Variants in LIPI observed in about 807,000 individuals in gnomAD.
LIPI encodes the protein lipase member I.
LIPI carries 59 observed loss-of-function variants against 50.6 expected under a neutral mutation model. The ratio of observed to expected loss-of-function variants is 1.16; its 90% confidence interval spans 0.94 to 1.45. LIPI has a LOEUF of 1.45. Among genes scored for constraint, LIPI ranks in the 40% most tolerant of loss-of-function variants. The pLI is 0.00. For synonymous variants in LIPI, 203 were observed against 178.2 expected (o/e 1.14, Z -1.11); for missense variants, 586 against 536.3 (o/e 1.09, Z -0.92).
rs372748702 is a variant in LIPI at position 14,144,745 on chromosome 21, A to G, written c.1173T>C (p.Tyr391=). 14 of 1,584,338 alleles carry G rather than the reference A, an allele frequency of 8.8e-6. No homozygotes were observed. In the East Asian group the frequency reaches 9.0e-5, roughly 10 times the overall value. Residue 391 remains tyrosine (Y), a synonymous_variant, in exon 9 of 10, where the codon TAT becomes TAC. Coordinates refer to ENST00000681601, the MANE Select transcript of LIPI (RefSeq NM_001302998.2). ...LQEVKILAQF[Y]NDFVNISSIG... ...TGCTTGAAATATTTACAAAGTCATT[A>G]TAAAATTGAGCAAGAATCTTGACTT... is the stretch of plus-strand genomic sequence containing the variant.
chr21:14,155,607 C>A (rs537820704), intron 7 of LIPI, among the ~76,000 whole-genome samples: 19 of 152,038 alleles, frequency 1.2e-4, no homozygotes, highest in Non-Finnish European at 4.4e-5. Flanking sequence ...CAGGAGAACA[C>A]CAGTTTGAAT....
At chr21:14,118,321 C>T (rs1368112126) in intron 9 of LIPI, among the ~76,000 whole-genome samples, 2 of 152,098 alleles carry the variant, frequency 1.3e-5, no homozygotes, top group African/African-American at 4.8e-5. Flanking sequence ...GCTGAACACT[C>T]GGTTGTGACT....
intron 9 of LIPI, among the ~76,000 whole-genome samples, chr21:14,122,523 C>A (rs2016902884): frequency 6.6e-6 from 1 of 152,134 alleles, no homozygotes; most frequent in Non-Finnish European, 1.5e-5. Flanking sequence ...ACCTCAGCAA[C>A]CTAATCCAGG....
intron 9 of LIPI, among the ~76,000 whole-genome samples, chr21:14,137,376 T>G (rs555134564): frequency 6.6e-6 from 1 of 152,016 alleles, no homozygotes; most frequent in East Asian, 1.9e-4. Flanking sequence ...TCAGATAAAT[T>G]TAACAAAGAG....
At chr21:14,184,084 CA>C (rs1352882942) in intron 3 of LIPI, among the ~76,000 whole-genome samples, 6 of 152,100 alleles carry the variant, frequency 3.9e-5, no homozygotes, top group Non-Finnish European at 7.3e-5. Flanking sequence ...CCTAAATGTC[CA>C]ACAACGATAG....
intron 3 of LIPI, among the ~76,000 whole-genome samples, chr21:14,183,093 A>T (rs1416646229): frequency 6.6e-6 from 1 of 152,316 alleles, no homozygotes; most frequent in African/African-American, 2.4e-5. Flanking sequence ...GGCTACAGTA[A>T]CCAAAACAGC....
At chr21:14,163,169 C>A (rs766849308) in intron 7 of LIPI, among the ~76,000 whole-genome samples, 65 of 151,414 alleles carry the variant, frequency 4.3e-4, no homozygotes, top group Admixed American at 1.3e-3. Context: ...GGGCAATATG[C>A]AAATTTAGGA....
chr21:14,139,035 C>T (rs1006272353), intron 9 of LIPI, among the ~76,000 whole-genome samples: 10 of 152,016 alleles, frequency 6.6e-5, no homozygotes, highest in African/African-American at 2.4e-4. Flanking sequence ...AAATTCGAAC[C>T]AGGATACTCT....
chr21:14,116,707 A>T lies in LIPI; in HGVS notation c.1296-7627T>A, dbSNP rs569437216. Among the ~76,000 whole-genome samples, 13 of 152,280 alleles carry T rather than the reference A, an allele frequency of 8.5e-5. 2 individuals are homozygous for T. Among genetic ancestry groups the T allele is most frequent in the East Asian group, 7.7e-4 (4 of 5,162 alleles). On this transcript the variant is annotated intron_variant, in intron 9 of 9. Coordinates refer to ENST00000681601, the MANE Select transcript of LIPI (RefSeq NM_001302998.2). ...AGACAACAGCCTGGGTACCCTGATC[A>T]GTTCCCATACATAGACTCCTGGCTG...
rs968606434 is a variant in LIPI, at chr21:14,132,013, C to T, written c.1295+12610G>A. On this transcript the variant is annotated intron_variant, in intron 9 of 9. Coordinates refer to ENST00000681601, the MANE Select transcript of LIPI (RefSeq NM_001302998.2). ...GATACGTTTTTAAAAATAATCCAGT[C>T]GGGCAAAAAACAAGCAAATAAACAA... 1.2e-4 allele frequency among the ~76,000 whole-genome samples: 19 copies of T among 152,114 alleles called. 1 individual carries two copies. The East Asian group carries it at 2.9e-3, about 23-fold the overall frequency.
intron 4 of LIPI, among the ~76,000 whole-genome samples, chr21:14,166,881 C>G (rs985437135): frequency 6.6e-6 from 1 of 152,182 alleles, no homozygotes; most frequent in South Asian, 2.1e-4. Context: ...GGGTGCAGCG[C>G]ACCATGTGCA....
intron 9 of LIPI, among the ~76,000 whole-genome samples, chr21:14,138,371 T>C (rs1281344053): frequency 6.6e-6 from 1 of 152,170 alleles, no homozygotes; most frequent in Non-Finnish European, 1.5e-5. Context: ...TGTTCTTCAG[T>C]GAATAAGTGC....
At chr21:14,115,238 C>A (rs1447985678) in intron 9 of LIPI, among the ~76,000 whole-genome samples, 5 of 152,120 alleles carry the variant, frequency 3.3e-5, no homozygotes, top group Non-Finnish European at 5.9e-5. Context: ...CTTCACCTCC[C>A]TAGTGCAGCT....
At position 14,161,643 on chromosome 21, in the gene LIPI, T is replaced by C. The variant is rs549289572; in HGVS notation, c.1006+1776A>G. ...ATATAATATATTAATATATAATATA[T>C]ACATTATTATATATTAATGTATAAT... On this transcript the variant is annotated intron_variant, in intron 7 of 9. Coordinates refer to ENST00000681601, the MANE Select transcript of LIPI (RefSeq NM_001302998.2). 4.7e-3 allele frequency among the ~76,000 whole-genome samples: 513 copies of C among 108,342 alleles called. 24 individuals are homozygous for C. Among genetic ancestry groups the C allele is most frequent in the African/African-American group, 0.019 (466 of 24,566 alleles). 71.1% of individuals were successfully genotyped at this position (108,342 alleles called of 152,430 possible).
intron 7 of LIPI, among the ~76,000 whole-genome samples, chr21:14,158,063 GA>G: frequency 6.6e-6 from 1 of 151,726 alleles, no homozygotes; most frequent in Non-Finnish European, 1.5e-5. Flanking sequence ...GTTTAGAGGA[GA>G]TTTTTTACTT....
chr21:14,138,195 C>G (rs1459460879), intron 9 of LIPI, among the ~76,000 whole-genome samples: 1 of 144,744 alleles, frequency 6.9e-6, no homozygotes, highest in Non-Finnish European at 1.6e-5. Flanking sequence ...ACCCCCTAAA[C>G]ATAGATAAAA....
intron 8 of LIPI, among the ~76,000 whole-genome samples, chr21:14,148,879 CACA>C (rs1429320322): frequency 2.0e-5 from 3 of 152,192 alleles, no homozygotes; most frequent in Non-Finnish European, 4.4e-5. Flanking sequence ...TATATTCCTT[CACA>C]ACAGTGCACT....
intron 9 of LIPI, among the ~76,000 whole-genome samples, chr21:14,119,989 C>A (rs911227464): frequency 6.6e-6 from 1 of 152,154 alleles, no homozygotes; most frequent in Non-Finnish European, 1.5e-5. Flanking sequence ...ATATCAAGGG[C>A]TCCTATGTGA....
intron 8 of LIPI, 49 bp downstream of exon 8, chr21:14,152,523 GA>G (rs746580694): frequency 1.6e-5 from 15 of 910,074 alleles, no homozygotes; most frequent in Non-Finnish European, 2.3e-5. Flanking sequence ...GGATACTGAA[GA>G]AAGCAAACAT....
Sources: gnomAD v4.1 joint callset for allele counts (sites outside exome capture counted in the v4.1 genomes callset) on GRCh38, gnomAD v4.1.1 for gene constraint, MANE v1.5 for transcripts, NCBI Gene and HGNC (gene_info 2026-07-23, HGNC 2026-07-21) for gene names.